Variants in RBFOX1 observed in about 807,000 individuals in gnomAD.
The protein encoded by RBFOX1 is RNA binding fox-1 homolog 1, also known as RNA binding protein fox-1 homolog 1.
RBFOX1 carries 8 observed loss-of-function variants against 57.7 expected under a neutral mutation model. The observed-to-expected ratio is 0.14, with a 90% CI of 0.08 to 0.25. The LOEUF (loss-of-function observed/expected upper bound fraction) is 0.25. RBFOX1 is among the 10% of genes least tolerant of loss of function. The pLI, the probability that RBFOX1 is intolerant of heterozygous loss-of-function variation, is 1.00. For synonymous variants in RBFOX1, 326 were observed against 222.4 expected (o/e 1.47, Z -4.15); for missense variants, 611 against 548.5 (o/e 1.11, Z -1.14).
chr16:7,043,162 G>C (rs780161981), intron 3 of RBFOX1, among the ~76,000 whole-genome samples: 59 of 152,202 alleles, frequency 3.9e-4, no homozygotes, highest in Admixed American at 1.0e-3. Flanking sequence ...GTTAGATCAA[G>C]GGTCTCAGCT....
intron 13 of RBFOX1, among the ~76,000 whole-genome samples, chr16:7,675,684 G>A (rs138486103): frequency 1.3e-5 from 2 of 152,160 alleles, no homozygotes; most frequent in African/African-American, 2.4e-5. Flanking sequence ...GAAGCCAAAT[G>A]CCATGAACCT....
At chr16:5,511,362 C>T (rs1300533723) in intron 2 of RBFOX1, among the ~76,000 whole-genome samples, 1 of 152,158 alleles carries the variant, frequency 6.6e-6, no homozygotes. Flanking sequence ...GTTTTCTCTG[C>T]AGGGATGGTG....
intron 1 of RBFOX1, among the ~76,000 whole-genome samples, chr16:6,111,836 T>G (rs2096450163): frequency 6.6e-6 from 1 of 152,332 alleles, no homozygotes; most frequent in East Asian, 1.9e-4. Context: ...CCATCTAAAC[T>G]CTCTCATCTT....
At chr16:6,448,597 C>T (rs1287824347) in intron 2 of RBFOX1, among the ~76,000 whole-genome samples, 1 of 152,122 alleles carries the variant, frequency 6.6e-6, no homozygotes, top group Non-Finnish European at 1.5e-5. Context: ...GTTGTGACAA[C>T]CAAAAAATCT....
At chr16:6,795,555 C>T (rs936385195) in intron 3 of RBFOX1, among the ~76,000 whole-genome samples, 1 of 151,990 alleles carries the variant, frequency 6.6e-6, no homozygotes, top group African/African-American at 2.4e-5. Flanking sequence ...ATCACGAGGT[C>T]ACAAGTTCAA....
chr16:6,057,787 C>A (rs1387304682), intron 1 of RBFOX1, among the ~76,000 whole-genome samples: 1 of 149,672 alleles, frequency 6.7e-6, no homozygotes, highest in African/African-American at 2.5e-5. Flanking sequence ...AAGCCCCCAC[C>A]CCTGGCACTG....
At chr16:5,365,478 GCC>G (rs909402636) in intron 1 of RBFOX1, among the ~76,000 whole-genome samples, 43 of 152,250 alleles carry the variant, frequency 2.8e-4, no homozygotes, top group African/African-American at 9.6e-4. Flanking sequence ...GACCAGCCTG[GCC>G]AACCTGGTGA....
intron 2 of RBFOX1, among the ~76,000 whole-genome samples, chr16:6,534,783 T>A (rs2096712754): frequency 6.6e-6 from 1 of 152,118 alleles, no homozygotes; most frequent in South Asian, 2.1e-4. Context: ...TTGACTGGGG[T>A]ACTGGTTCAT....
chr16:7,446,963 C>T (rs948432043), intron 4 of RBFOX1, among the ~76,000 whole-genome samples: 1 of 151,628 alleles, frequency 6.6e-6, no homozygotes, highest in Non-Finnish European at 1.5e-5. Context: ...CAGGTGCCCG[C>T]CACCACACCT....
At chr16:6,996,764 G>T (rs947298606) in intron 3 of RBFOX1, among the ~76,000 whole-genome samples, 2 of 152,112 alleles carry the variant, frequency 1.3e-5, no homozygotes, top group African/African-American at 4.8e-5. Flanking sequence ...CTACATGTCA[G>T]ATAGAGGGAT....
chr16:6,125,799 G>A (rs28463051), intron 1 of RBFOX1, among the ~76,000 whole-genome samples: 4,764 of 152,182 alleles, frequency 0.031, 263 homozygotes, highest in African/African-American at 0.11. Flanking sequence ...AGTGGCAAAG[G>A]GTTGGTAGGC....
At chr16:7,680,887 T>C (rs933738068) in intron 14 of RBFOX1, among the ~76,000 whole-genome samples, 1 of 152,040 alleles carries the variant, frequency 6.6e-6, no homozygotes, top group Non-Finnish European at 1.5e-5. Context: ...TATCTTCCTC[T>C]CTGCACACAC....
chr16:6,834,601 GTGTT>G (rs931537680), intron 3 of RBFOX1, among the ~76,000 whole-genome samples: 12 of 152,120 alleles, frequency 7.9e-5, no homozygotes, highest in Non-Finnish European at 1.6e-4. Flanking sequence ...AAACTTGAAG[GTGTT>G]TGTTTGGGAT....
At chr16:6,620,650 A>T (rs1327401352) in intron 2 of RBFOX1, among the ~76,000 whole-genome samples, 1 of 152,208 alleles carries the variant, frequency 6.6e-6, no homozygotes, top group Admixed American at 6.5e-5. Flanking sequence ...AGTAAACATA[A>T]TCAGAAATGA....
intron 4 of RBFOX1, among the ~76,000 whole-genome samples, chr16:5,923,701 C>T (rs1425436870): frequency 6.6e-6 from 1 of 152,032 alleles, no homozygotes; most frequent in African/African-American, 2.4e-5. Flanking sequence ...GCCACCACAC[C>T]TGCTAATTTT....
chr16:5,841,588 T>G (rs977447501), intron 3 of RBFOX1, among the ~76,000 whole-genome samples: 1 of 152,250 alleles, frequency 6.6e-6, no homozygotes, highest in Non-Finnish European at 1.5e-5. Flanking sequence ...TTGTTTAGCA[T>G]AAGTATATCT....
At chr16:7,243,744 T>G (rs922228533) in intron 4 of RBFOX1, among the ~76,000 whole-genome samples, 9 of 152,038 alleles carry the variant, frequency 5.9e-5, no homozygotes, top group African/African-American at 2.2e-4. Flanking sequence ...GAGACAGGGT[T>G]TCGCTGTGCT....
intron 3 of RBFOX1, among the ~76,000 whole-genome samples, chr16:5,644,539 G>C (rs1237700021): frequency 1.3e-5 from 2 of 152,218 alleles, no homozygotes; most frequent in African/African-American, 4.8e-5. Flanking sequence ...GACATGAGGA[G>C]TTAGTCTGAG....
intron 2 of RBFOX1, among the ~76,000 whole-genome samples, chr16:6,615,318 C>G (rs754241231): frequency 6.6e-6 from 1 of 152,146 alleles, no homozygotes; most frequent in Non-Finnish European, 1.5e-5. Flanking sequence ...GCCAGTAATT[C>G]TAGTACTTTG....
Sources: gnomAD v4.1 joint callset for allele counts (sites outside exome capture counted in the v4.1 genomes callset) on GRCh38, gnomAD v4.1.1 for gene constraint, MANE v1.5 for transcripts, NCBI Gene and HGNC (gene_info 2026-07-23, HGNC 2026-07-21) for gene names.